Variants in EPHA1 observed in about 807,000 individuals in gnomAD.
EPHA1 encodes ephrin type-A receptor 1.
A neutral mutation model predicts 110.1 loss-of-function variants in EPHA1; 92 were observed. The observed-to-expected ratio is 0.84, with a 90% CI of 0.71 to 0.99. EPHA1 has a LOEUF of 0.99. Among genes scored for constraint, EPHA1 ranks in the 50% least tolerant of loss-of-function variants. The pLI is 0.00. For missense variants in EPHA1, 1,204 were observed against 1,285.4 expected (o/e 0.94, Z 0.97); for synonymous variants, 500 against 516.1 (o/e 0.97, Z 0.42).
chr7:143,398,056 G>T lies in EPHA1; in HGVS notation c.1479C>A (p.Tyr493Ter). ...AGACCCTGGGTTCTAGAACCATCTG[G>T]TACCGTTCTTCATCCTGTGGGTTGG... ...LHVLNQDEER[Y>*]QMVLEPRVLL... The change falls in exon 8 of 18, where the codon TAC (tyrosine) becomes TAA (stop). Residue 493 changes from tyrosine (Y) to a stop codon, truncating the protein, a stop_gained. Transcript: ENST00000275815. LOFTEE classifies it high-confidence loss of function. The T allele has an allele frequency of 5.6e-6, 9 of 1,614,120 alleles. No individual in the cohort carries two copies. Among genetic ancestry groups the T allele is most frequent in the Non-Finnish European group, 7.6e-6 (9 of 1,179,992 alleles).
Position 143,398,280 on chromosome 7 carries a change from G to A in EPHA1, c.1464+41C>T, listed in dbSNP as rs190836209. ...AGGCTAGGAATGTTGGGGTGTGCCC[G>A]GGCATGGACACTGAAGACCATCTCT... On this transcript the variant is annotated intron_variant, in intron 7 of 17. Transcript: ENST00000275815. The A allele has an allele frequency of 7.2e-5, 116 of 1,609,940 alleles. No homozygotes were observed. The East Asian group carries it at 1.3e-3, about 18-fold the overall frequency.
In EPHA1 at chr7:143,391,515, A is replaced by T; in HGVS notation, c.2873T>A (p.Ile958Asn). Residue 958 changes from isoleucine (I) to asparagine (N), a missense_variant, in exon 18 of 18, where the codon ATC (isoleucine) becomes AAC (asparagine). Transcript: ENST00000275815. ...GCGCTTCTGGTGCCCGGGCAGTGTG[A>T]TTCCCATCTGCGTCAGGTCCCTGTG... ...LTAEDLTQMGITLPGHQKRIL... is the reference protein window; with the variant it reads ...LTAEDLTQMGNTLPGHQKRIL... 2 of 1,614,116 alleles carry T rather than the reference A, an allele frequency of 1.2e-6. No individual in the cohort carries two copies. Among genetic ancestry groups the T allele is most frequent in the South Asian group, 2.2e-5 (2 of 91,080 alleles).
chr7:143,406,058 T>C (rs1395677469), intron 2 of EPHA1, among the ~76,000 whole-genome samples: 1 of 152,194 alleles, frequency 6.6e-6, no homozygotes, highest in Non-Finnish European at 1.5e-5. Context: ...TTTGTCCACA[T>C]TTCCTGGCAA....
intron 4 of EPHA1, 69 bp from the exon 5 acceptor site, chr7:143,399,482 T>C: frequency 6.5e-7 from 1 of 1,544,754 alleles, no homozygotes; most frequent in South Asian, 1.3e-5. Flanking sequence ...CACCACCCCT[T>C]CCTGCCCCAA....
Position 143,400,001 on chromosome 7 carries a change from C to G in EPHA1, c.485G>C (p.Gly162Ala). ...QSFTIRDLVS[G>A]SVKLNVERCS... ...GCGCTCCACATTCAGCTTCACGGAGCCAGACACAAGGTCTCGAATGGTGAA... is the reference window on the plus strand; with the variant it reads ...GCGCTCCACATTCAGCTTCACGGAGGCAGACACAAGGTCTCGAATGGTGAA... Residue 162 changes from glycine to alanine, a missense_variant, in exon 4 of 18, where the codon GGC becomes GCC. Transcript: ENST00000275815. 4.3e-6 allele frequency: 7 copies of G among 1,613,744 alleles called. No individual in the cohort carries two copies. The highest frequency in any genetic ancestry group is 5.9e-6 in the Non-Finnish European group (7 of 1,179,848).
rs1213328329 is a variant in EPHA1 at position 143,398,247 on chromosome 7, C to T, written c.1464+74G>A. The T allele has an allele frequency of 3.8e-6, 6 of 1,598,754 alleles. No homozygotes were observed. In the African/African-American group the frequency reaches 4.0e-5, roughly 11 times the overall value. On this transcript the variant is annotated intron_variant, in intron 7 of 17. Coordinates refer to ENST00000275815, the MANE Select transcript of EPHA1 (RefSeq NM_005232.5). ...GACTTCGGGTGGATTCCTCCCAACCCACACCCCAGGCTAGGAATGTTGGGG... is the reference window on the plus strand; with the variant it reads ...GACTTCGGGTGGATTCCTCCCAACCTACACCCCAGGCTAGGAATGTTGGGG...
Position 143,399,396 on chromosome 7 carries a change from A to G in EPHA1, c.853T>C (p.Tyr285His), listed in dbSNP as rs764084713. 6.3e-7 allele frequency: 1 copy of G among 1,592,890 alleles called. No individual in the cohort carries two copies. Among genetic ancestry groups the G allele is most frequent in the South Asian group, 1.1e-5 (1 of 88,140 alleles). Residue 285 changes from tyrosine to histidine, a missense_variant, in exon 5 of 18, where the codon TAC becomes CAC. Transcript: ENST00000275815. ...EACVACPSGSYRMDMDTPHCL... is the reference protein window; with the variant it reads ...EACVACPSGSHRMDMDTPHCL... ...TGGGGTGTGTCCATGTCCATCCGGT[A>G]GGAGCCGCTAGGGCAGGCTGGAGAG... is the stretch of plus-strand genomic sequence containing the variant.
rs985290894 is a variant in EPHA1 at position 143,396,720 on chromosome 7, C to G, written c.1772-210G>C. On this transcript the variant is annotated intron_variant, in intron 10 of 17. Transcript: ENST00000275815. ...TGCTCCAAGCTCCGCTGTCCTCACTCCACAAGGTCCGGGGCGGTGGCCAGG... is the reference window on the plus strand; with the variant it reads ...TGCTCCAAGCTCCGCTGTCCTCACTGCACAAGGTCCGGGGCGGTGGCCAGG... 4 of 567,788 alleles carry G rather than the reference C, an allele frequency of 7.0e-6. No homozygotes were observed. The Admixed American group carries it at 1.3e-4, about 18-fold the overall frequency. 35.2% of individuals were successfully genotyped at this position (567,788 alleles called of 1,614,324 possible). A position where few individuals can be genotyped will look rare whatever the true frequency, so the allele number is the denominator to read the frequency against.
At position 143,401,506 on chromosome 7, in the gene EPHA1, T is replaced by C. The variant is rs1296665931; in HGVS notation, c.250A>G (p.Asn84Asp). ...RRDTDHWLRS[N>D]WIYRGEEASR... ...GCCTCCTCCCCGCGGTAGATCCAAT[T>C]GGAGCGAAGCCAGTGGTCAGTGTCT... The change falls in exon 3 of 18, where the codon AAT becomes GAT. Residue 84 changes from asparagine to aspartate, a missense_variant. Coordinates refer to ENST00000275815, the MANE Select transcript of EPHA1 (RefSeq NM_005232.5). This position sits in a 1 kb window ranked among gnomAD's most constrained non-coding sequence, Gnocchi z 4.1. 2 of 1,613,994 alleles carry C rather than the reference T, an allele frequency of 1.2e-6. No homozygotes were observed. Among genetic ancestry groups the C allele is most frequent in the African/African-American group, 2.7e-5 (2 of 74,930 alleles).
chr7:143,401,720 G>A lies in EPHA1; in HGVS notation c.151-115C>T. ...AGAGCCCCTCAGGTTTATGCTACTT[G>A]TTCTGCCTCTCCCCACCCCTCAGCT... On this transcript the variant is annotated intron_variant, in intron 2 of 17. Coordinates refer to ENST00000275815, the MANE Select transcript of EPHA1 (RefSeq NM_005232.5). The surrounding 1 kb of genome is among the most constrained non-coding windows in gnomAD (Gnocchi z 4.1). 7.8e-7 allele frequency: 1 copy of A among 1,279,670 alleles called. No homozygotes were observed. Among genetic ancestry groups the A allele is most frequent in the Non-Finnish European group, 1.1e-6 (1 of 920,784 alleles). 79.3% of individuals were successfully genotyped at this position (1,279,670 alleles called of 1,614,324 possible).
intron 10 of EPHA1, among the ~76,000 whole-genome samples, chr7:143,396,904 T>C (rs1471003781): frequency 6.6e-6 from 1 of 152,044 alleles, no homozygotes; most frequent in Non-Finnish European, 1.5e-5. Flanking sequence ...ACTCTCCCCT[T>C]TGTGGGTCAC....
chr7:143,396,829 C>G (rs868026375), intron 10 of EPHA1: 1 of 359,308 alleles, frequency 2.8e-6, no homozygotes, highest in Non-Finnish European at 5.2e-6. Context: ...GTCAGTCACA[C>G]CTCGTTCACA....
At chr7:143,407,510 G>T (rs1805587047) in intron 2 of EPHA1, 101 bp downstream of exon 2, 1 of 1,249,586 alleles carries the variant, frequency 8.0e-7, no homozygotes, top group Non-Finnish European at 1.1e-6. Context: ...GACACTTCCA[G>T]TTTTTCCTGC....
In EPHA1 at chr7:143,398,351, G is replaced by C; in HGVS notation, c.1434C>G (p.Asn478Lys). The change falls in exon 7 of 18, where the codon AAC (asparagine) becomes AAG (lysine). Residue 478 changes from asparagine to lysine, a missense_variant. By Grantham distance (94) the Asn-to-Lys change is moderately conservative. Coordinates refer to ENST00000275815, the MANE Select transcript of EPHA1 (RefSeq NM_005232.5). ...AGSRPRSPGA[N>K]LTYELHVLNQ... ...TCAGCACGTGCAGCTCATAGGTCAG[G>C]TTCGCCCCAGGGCTTCGGGGCCGGG... 1 of 1,614,120 alleles carries C rather than the reference G, an allele frequency of 6.2e-7. No individual in the cohort carries two copies. The highest frequency in any genetic ancestry group is 8.5e-7 in the Non-Finnish European group (1 of 1,180,002).
intron 16 of EPHA1, among the ~76,000 whole-genome samples, chr7:143,392,873 T>C (rs1203577535): frequency 2.0e-5 from 3 of 151,404 alleles, no homozygotes; most frequent in South Asian, 2.1e-4. Context: ...ACCCTGGAGG[T>C]GGAGGCTGCA....
In EPHA1 at chr7:143,393,768, G is replaced by A. The variant is rs199929557; in HGVS notation, c.2599C>T (p.Arg867Cys). ...TTCTGGAAGTGTGGCCGGCGGGCAC[G>A]GTCATATGCCCAGCAGTTCTTCATG... ...ELMKNCWAYD[R>C]ARRPHFQKLQ... Residue 867 changes from arginine to cysteine, a missense_variant, in exon 16 of 18, where the codon CGT becomes TGT. Transcript: ENST00000275815. This position sits in a 1 kb window ranked among gnomAD's most constrained non-coding sequence, Gnocchi z 5.6. 7.0e-5 allele frequency: 113 copies of A among 1,613,162 alleles called. No homozygotes were observed. The highest frequency in any genetic ancestry group is 6.7e-4 in the East Asian group (30 of 44,856).
intron 2 of EPHA1, among the ~76,000 whole-genome samples, chr7:143,405,450 T>TGC (rs1217638210): frequency 5.3e-5 from 8 of 151,766 alleles, no homozygotes; most frequent in Non-Finnish European, 1.2e-4. Flanking sequence ...TGTGTGTGTG[T>TGC]GTGTGTGTGT....
At chr7:143,397,245 A>ACACG in intron 10 of EPHA1, 59 bp downstream of exon 10, 1 of 1,503,222 alleles carries the variant, frequency 6.7e-7, no homozygotes, top group Non-Finnish European at 9.0e-7. Flanking sequence ...ACACACACAC[A>ACACG]CACGCACACA....
intron 1 of EPHA1, 53 bp from the exon 2 acceptor site, chr7:143,407,731 G>A: frequency 1.3e-6 from 2 of 1,504,084 alleles, no homozygotes; most frequent in Admixed American, 1.7e-5. Context: ...AGGTGCCCCT[G>A]CAGCCCACAT....
Sources: gnomAD v4.1 joint callset for allele counts (sites outside exome capture counted in the v4.1 genomes callset) on GRCh38, gnomAD v4.1.1 for gene constraint, Gnocchi (gnomAD v3.1) non-coding constraint, MANE v1.5 for transcripts, NCBI Gene and HGNC (gene_info 2026-07-23, HGNC 2026-07-21) for gene names.